Variants in PDE1C observed in about 807,000 individuals in gnomAD.
PDE1C encodes phosphodiesterase 1C, also known as dual specificity calcium/calmodulin-dependent 3',5'-cyclic nucleotide phosphodiesterase 1C.
Under a neutral mutation model 93.1 loss-of-function variants are expected in PDE1C, and 62 were observed. The ratio of observed to expected loss-of-function variants is 0.67; its 90% confidence interval spans 0.54 to 0.82. The LOEUF is 0.82. Among genes scored for constraint, PDE1C ranks in the 40% least tolerant of loss-of-function variants. PDE1C has a pLI of 0.00. For synonymous variants in PDE1C, 325 were observed against 310.1 expected (o/e 1.05, Z -0.50); for missense variants, 742 against 884.6 (o/e 0.84, Z 2.04).
chr7:31,812,284 G>C (rs1787651680), intron 15 of PDE1C, among the ~76,000 whole-genome samples: 1 of 152,118 alleles, frequency 6.6e-6, no homozygotes, highest in South Asian at 2.1e-4. Flanking sequence ...TCAGGTTCCT[G>C]TTTTGTTTCT....
intron 2 of PDE1C, among the ~76,000 whole-genome samples, chr7:31,967,658 C>CA (rs1449493266): frequency 1.3e-5 from 2 of 151,880 alleles, no homozygotes; most frequent in Non-Finnish European, 2.9e-5. Flanking sequence ...ACACAACAAA[C>CA]AAGAGAATTT....
intron 14 of PDE1C, among the ~76,000 whole-genome samples, chr7:31,821,332 G>A (rs78124309): frequency 0.061 from 9,272 of 151,920 alleles, 388 homozygotes; most frequent in East Asian, 0.22. Flanking sequence ...CTTTTTAAAG[G>A]GCCAGTTTTC....
At chr7:32,262,863 A>T (rs7357161) in intron 1 of PDE1C, among the ~76,000 whole-genome samples, 214 of 152,228 alleles carry the variant, frequency 1.4e-3, no homozygotes, top group African/African-American at 5.0e-3. Flanking sequence ...TAGGGGCTAA[A>T]CCTTCTACCT....
At chr7:32,386,090 T>TTTC (rs1491092268) in intron 1 of PDE1C, among the ~76,000 whole-genome samples, 30 of 1,432 alleles carry the variant, frequency 0.021, no homozygotes, top group Middle Eastern at 0.25. Context: ...TTTTTCTTTC[T>TTTC]TTTTTTTTTT....
At chr7:31,967,133 G>A (rs1810118750) in intron 2 of PDE1C, among the ~76,000 whole-genome samples, 2 of 152,098 alleles carry the variant, frequency 1.3e-5, no homozygotes, top group Admixed American at 6.6e-5. Flanking sequence ...AGGAAATAGA[G>A]ACACAAAAAA....
intron 2 of PDE1C, among the ~76,000 whole-genome samples, chr7:32,196,472 C>G (rs888828360): frequency 6.6e-6 from 1 of 152,118 alleles, no homozygotes; most frequent in Non-Finnish European, 1.5e-5. Context: ...ACTCAGGGAA[C>G]TCATCACCAT....
chr7:32,258,895 T>C (rs1227115124), intron 1 of PDE1C, among the ~76,000 whole-genome samples: 1 of 152,146 alleles, frequency 6.6e-6, no homozygotes, highest in African/African-American at 2.4e-5. Context: ...AGCCTCAGTC[T>C]TCCCATGTGT....
intron 3 of PDE1C, among the ~76,000 whole-genome samples, chr7:32,098,102 C>T (rs1797854753): frequency 3.4e-5 from 5 of 146,146 alleles, no homozygotes; most frequent in Admixed American, 3.4e-4. Context: ...TGGTGGCGGG[C>T]GCCTGTAGTC....
intron 1 of PDE1C, among the ~76,000 whole-genome samples, chr7:32,292,393 C>T: frequency 6.6e-6 from 1 of 152,134 alleles, no homozygotes; most frequent in South Asian, 2.1e-4. Context: ...TTTATTCAAT[C>T]TAAAAGTTTA....
intron 1 of PDE1C, among the ~76,000 whole-genome samples, chr7:32,379,486 G>C (rs1395476787): frequency 2.6e-5 from 4 of 152,146 alleles, no homozygotes; most frequent in African/African-American, 4.8e-5. Flanking sequence ...CTTTCTGATT[G>C]TCAGTTCCCA....
At chr7:31,655,029 C>G in the PDE1C span, among the ~76,000 whole-genome samples, 1 of 152,098 alleles carries the variant, frequency 6.6e-6, no homozygotes, top group African/African-American at 2.4e-5. Flanking sequence ...TTCTCCATTC[C>G]TCTGTCCTCA....
At chr7:31,789,885 G>C in intron 16 of PDE1C, 1 of 1,058,798 alleles carries the variant, frequency 9.4e-7, no homozygotes, top group African/African-American at 1.7e-5. Context: ...AGCATATCCA[G>C]GATGTCCATT....
At chr7:31,636,977 C>T in the PDE1C span, among the ~76,000 whole-genome samples, 2 of 147,180 alleles carry the variant, frequency 1.4e-5, no homozygotes, top group South Asian at 2.1e-4. Context: ...TGAGTGAGAA[C>T]ATGCGGTGTT....
At chr7:32,410,443 T>A (rs868438736) in intron 1 of PDE1C, among the ~76,000 whole-genome samples, 30 of 147,928 alleles carry the variant, frequency 2.0e-4, no homozygotes, top group South Asian at 4.4e-4. Flanking sequence ...GAGGAGGAGG[T>A]GGAGGAGGAG....
chr7:31,634,379 A>G, the PDE1C span, among the ~76,000 whole-genome samples: 1 of 152,352 alleles, frequency 6.6e-6, no homozygotes, highest in South Asian at 2.1e-4. Flanking sequence ...ATATAACATT[A>G]TGTAGCCTAT....
intron 11 of PDE1C, among the ~76,000 whole-genome samples, chr7:31,834,330 G>C (rs188660754): frequency 1.1e-4 from 16 of 152,220 alleles, no homozygotes; most frequent in Non-Finnish European, 2.4e-4. Context: ...GTGAGAAGAG[G>C]GCCACTGTTC....
At chr7:31,702,581 T>C in the PDE1C span, among the ~76,000 whole-genome samples, 1 of 152,212 alleles carries the variant, frequency 6.6e-6, no homozygotes, top group Non-Finnish European at 1.5e-5. Context: ...AACTCTGTAT[T>C]AGTCACAGCA....
intron 1 of PDE1C, among the ~76,000 whole-genome samples, chr7:32,285,889 C>T (rs1811972164): frequency 6.6e-6 from 1 of 151,990 alleles, no homozygotes; most frequent in Admixed American, 6.6e-5. Flanking sequence ...CGTTTGCCAA[C>T]CCCTCCCCCT....
chr7:32,079,770 G>T (rs1046205861), intron 3 of PDE1C, among the ~76,000 whole-genome samples: 35 of 152,206 alleles, frequency 2.3e-4, no homozygotes, highest in African/African-American at 8.4e-4. Context: ...GGAGCGGCCA[G>T]TCCTCTTACG....
Sources: gnomAD v4.1 joint callset for allele counts (sites outside exome capture counted in the v4.1 genomes callset) on GRCh38, gnomAD v4.1.1 for gene constraint, MANE v1.5 for transcripts, NCBI Gene and HGNC (gene_info 2026-07-23, HGNC 2026-07-21) for gene names.